The following SORCS3 variants were observed in gnomAD, a reference collection of about 807,000 sequenced individuals.
The protein encoded by SORCS3 is sortilin related VPS10 domain containing receptor 3, also known as VPS10 domain-containing receptor SorCS3.
Under a neutral mutation model 146.3 loss-of-function variants are expected in SORCS3, and 57 were observed. The ratio of observed to expected loss-of-function variants is 0.39; its 90% CI spans 0.31 to 0.49. The LOEUF (loss-of-function observed/expected upper bound fraction) is 0.49, where lower values mean the gene tolerates loss of function less well. SORCS3 is among the 20% of genes least tolerant of loss of function. The probability of loss-of-function intolerance (pLI) is 0.92; values close to 1 mark genes in which losing one functional copy is unlikely to be tolerated. For missense variants in SORCS3, 1,341 were observed against 1,575.5 expected, an observed-to-expected ratio of 0.85 and a Z score of 2.52; for synonymous variants, 653 against 618.5, an observed-to-expected ratio of 1.06 and a Z score of -0.83.
chr10:105,152,700 C>T (rs547448984), intron 9 of SORCS3, among the ~76,000 whole-genome samples: 6 of 152,232 alleles, frequency 3.9e-5, no homozygotes, highest in African/African-American at 2.4e-5. Flanking sequence ...TCTTCGTTCC[C>T]GTAGCCACAT....
intron 1 of SORCS3, among the ~76,000 whole-genome samples, chr10:104,760,162 G>C (rs1275436915): frequency 6.6e-6 from 1 of 152,168 alleles, no homozygotes; most frequent in Non-Finnish European, 1.5e-5. Flanking sequence ...AATGGCAGCT[G>C]AGCAGGAGAG....
chr10:105,031,343 A>G (rs2055266234), intron 4 of SORCS3, among the ~76,000 whole-genome samples: 1 of 135,340 alleles, frequency 7.4e-6, no homozygotes, highest in African/African-American at 3.7e-5. Flanking sequence ...ACACACACAC[A>G]CACACACACA....
At chr10:105,154,492 T>G (rs1023959075) in intron 9 of SORCS3, among the ~76,000 whole-genome samples, 1 of 152,194 alleles carries the variant, frequency 6.6e-6, no homozygotes, top group Non-Finnish European at 1.5e-5. Context: ...CCACACAGGC[T>G]AGACACCTTG....
At chr10:104,926,512 A>G (rs1370885570) in intron 3 of SORCS3, among the ~76,000 whole-genome samples, 1 of 152,236 alleles carries the variant, frequency 6.6e-6, no homozygotes, top group Admixed American at 6.5e-5. Flanking sequence ...TGGTGTATCC[A>G]GAAAAAGAAC....
intron 2 of SORCS3, among the ~76,000 whole-genome samples, chr10:104,901,920 C>A (rs1417045): frequency 0.087 from 13,259 of 152,196 alleles, 750 homozygotes; most frequent in South Asian, 0.25. Flanking sequence ...ACCTCAGTGG[C>A]CTCTCAGTGG....
chr10:105,105,854 T>C lies in SORCS3; in HGVS notation c.1212+339T>C, dbSNP rs138618304. ...TTCTATTTCTACCCAAAGTGACTTG[T>C]ATAACTTGGCAATGAAAATCCCCTG... On this transcript the variant is annotated intron_variant, in intron 7 of 26. Transcript: ENST00000369701. Among the ~76,000 whole-genome samples the C allele has an allele frequency of 2.8e-3, 423 of 152,312 alleles. 4 individuals carry two copies. The highest frequency in any genetic ancestry group is 9.5e-3 in the African/African-American group (397 of 41,582).
At chr10:104,956,715 TG>T (rs2019496235) in intron 3 of SORCS3, among the ~76,000 whole-genome samples, 2 of 152,122 alleles carry the variant, frequency 1.3e-5, no homozygotes, top group Non-Finnish European at 2.9e-5. Context: ...CCCTGTTTAC[TG>T]TAGAATCTAG....
chr10:105,037,960 A>G (rs971046942), intron 4 of SORCS3, among the ~76,000 whole-genome samples: 4 of 152,194 alleles, frequency 2.6e-5, no homozygotes, highest in African/African-American at 9.7e-5. Context: ...GGCCAATGTA[A>G]TTAGGGAACT....
chr10:105,023,112 A>G (rs1023555692), intron 4 of SORCS3, among the ~76,000 whole-genome samples: 13 of 152,158 alleles, frequency 8.5e-5, no homozygotes, highest in African/African-American at 2.9e-4. Flanking sequence ...ATATGCCACT[A>G]GTGTAAGCTG....
rs372299038 is a variant in SORCS3 at position 104,741,598 on chromosome 10, CT to C, written c.627+99654del. ...AAGCTTTGTGTAGTTCCCTGATGCT[CT>C]TTTTTTTTTCAGTCCATTTTCTCTC... is the stretch of plus-strand genomic sequence containing the variant. On this transcript the variant is annotated intron_variant, in intron 1 of 26. Transcript: ENST00000369701. Among the ~76,000 whole-genome samples, 862 of 134,718 alleles carry C rather than the reference CT, an allele frequency of 6.4e-3. 9 individuals carry two copies. Among genetic ancestry groups the C allele is most frequent in the African/African-American group, 0.021 (780 of 36,532 alleles). 88.4% of individuals were successfully genotyped at this position (134,718 alleles called of 152,430 possible).
chr10:105,129,331 C>CTCTT lies in SORCS3; in HGVS notation c.1213-10065_1213-10064insCTTT, dbSNP rs1172062304. Among the ~76,000 whole-genome samples the CTCTT allele has an allele frequency of 8.1e-3, 844 of 104,606 alleles. 29 individuals are homozygous for CTCTT. The highest frequency in any genetic ancestry group is 0.031 in the African/African-American group (785 of 25,642). The allele number at this position is 104,606 out of a possible 152,430, so 68.6% of individuals were successfully genotyped here. A position where few individuals can be genotyped will look rare whatever the true frequency, so the allele number is the denominator to read the frequency against. On this transcript the variant is annotated intron_variant, in intron 7 of 26. Transcript: ENST00000369701. ...CTTTCTCTTTTCTTTCTTTCTTTCTCTTTTTTTTTTTTTTTTTTTTTTTTT... is the reference window on the plus strand; with the variant it reads ...CTTTCTCTTTTCTTTCTTTCTTTCTCTCTTTTTTTTTTTTTTTTTTTTTTTTTTT...
At chr10:104,774,286 G>A (rs2017283893) in intron 1 of SORCS3, among the ~76,000 whole-genome samples, 1 of 152,090 alleles carries the variant, frequency 6.6e-6, no homozygotes, top group Non-Finnish European at 1.5e-5. Context: ...CAGGAAGAGG[G>A]CTTTCCTCCT....
chr10:104,669,194 T>G (rs1265023598), intron 1 of SORCS3, among the ~76,000 whole-genome samples: 1 of 152,248 alleles, frequency 6.6e-6, no homozygotes, highest in Non-Finnish European at 1.5e-5. Context: ...ATACATGTAC[T>G]AGAGTGCACA....
At chr10:104,915,525 G>A (rs1025539044) in intron 2 of SORCS3, among the ~76,000 whole-genome samples, 1 of 139,600 alleles carries the variant, frequency 7.2e-6, no homozygotes, top group South Asian at 2.7e-4. Context: ...GGGTGGGGGG[G>A]TGGGGCGGGG....
intron 3 of SORCS3, among the ~76,000 whole-genome samples, chr10:104,935,209 C>T (rs1589555971): frequency 1.3e-5 from 2 of 152,176 alleles, no homozygotes; most frequent in African/African-American, 4.8e-5. Flanking sequence ...TAAAAACTTA[C>T]CTCACTAGGA....
chr10:105,190,338 A>G (rs910406722), intron 14 of SORCS3, among the ~76,000 whole-genome samples: 57 of 152,356 alleles, frequency 3.7e-4, no homozygotes, highest in Middle Eastern at 3.4e-3. Flanking sequence ...ATAAAATGAG[A>G]TGATCCATGC....
At chr10:105,007,575 A>G (rs1368973416) in intron 4 of SORCS3, among the ~76,000 whole-genome samples, 8 of 152,280 alleles carry the variant, frequency 5.3e-5, no homozygotes, top group East Asian at 1.9e-4. Context: ...AGTGAGTGAA[A>G]CAACAGAAGC....
At chr10:104,897,218 TATC>T (rs1245186043) in intron 2 of SORCS3, among the ~76,000 whole-genome samples, 2 of 152,230 alleles carry the variant, frequency 1.3e-5, no homozygotes, top group Non-Finnish European at 2.9e-5. Flanking sequence ...TCTGTGGGCC[TATC>T]ATGTTTTCAC....
intron 3 of SORCS3, among the ~76,000 whole-genome samples, chr10:104,945,887 G>A (rs940809842): frequency 6.6e-6 from 1 of 151,942 alleles, no homozygotes; most frequent in African/African-American, 2.4e-5. Flanking sequence ...AGGTGCTGTG[G>A]GCATGGGCTT....
Sources: allele counts gnomAD v4.1 joint callset (sites outside exome capture counted in the v4.1 genomes callset), GRCh38; gene constraint gnomAD v4.1.1; transcripts MANE v1.5; gene names NCBI Gene and HGNC (gene_info 2026-07-23, HGNC 2026-07-21).